The following DLGAP2 variants were observed in gnomAD, a reference collection of about 807,000 sequenced individuals.
The protein encoded by DLGAP2 is disks large-associated protein 2.
A neutral mutation model predicts 100.3 loss-of-function variants in DLGAP2; 26 were observed. The ratio of observed to expected loss-of-function variants is 0.26; its 90% CI spans 0.19 to 0.36. The LOEUF is 0.36. DLGAP2 is among the 10% of genes least tolerant of loss of function. The probability of loss-of-function intolerance (pLI) is 1.00; values close to 1 mark genes in which losing one functional copy is unlikely to be tolerated. For missense variants in DLGAP2, 1,858 were observed against 1,453.2 expected, an observed-to-expected ratio of 1.28 and a Z score of -4.53; for synonymous variants, 886 against 630.1, an observed-to-expected ratio of 1.41 and a Z score of -6.08.
intron 6 of DLGAP2, among the ~76,000 whole-genome samples, chr8:1,616,934 T>A (rs776350876): frequency 1.3e-5 from 2 of 152,206 alleles, no homozygotes; most frequent in African/African-American, 2.4e-5. Context: ...CCTCTCTGTG[T>A]CCATGTGTTC....
At chr8:1,562,590 T>TG (rs200857646) in intron 5 of DLGAP2, among the ~76,000 whole-genome samples, 4 of 42,316 alleles carry the variant, frequency 9.5e-5, no homozygotes, top group Non-Finnish European at 1.3e-4. Flanking sequence ...TGTGTGGTGT[T>TG]GGGTGTCCGC....
intron 3 of DLGAP2, among the ~76,000 whole-genome samples, chr8:1,326,670 G>T (rs976599287): frequency 6.6e-6 from 1 of 152,226 alleles, no homozygotes; most frequent in Non-Finnish European, 1.5e-5. Flanking sequence ...GTCTGGGCTT[G>T]TCAAGTGAAC....
At chr8:1,478,245 C>A (rs1798990072) in intron 3 of DLGAP2, among the ~76,000 whole-genome samples, 1 of 152,208 alleles carries the variant, frequency 6.6e-6, no homozygotes, top group South Asian at 2.1e-4. Flanking sequence ...GTGGCTTTCT[C>A]TGAACTGTCT....
chr8:1,214,315 C>T (rs1563258124), intron 2 of DLGAP2, among the ~76,000 whole-genome samples: 1 of 152,194 alleles, frequency 6.6e-6, no homozygotes, highest in African/African-American at 2.4e-5. Flanking sequence ...TACCTGCGGC[C>T]CCGCCACTCA....
intron 2 of DLGAP2, among the ~76,000 whole-genome samples, chr8:1,227,508 T>C (rs1245055843): frequency 1.3e-5 from 2 of 151,772 alleles, no homozygotes; most frequent in Non-Finnish European, 2.9e-5. Flanking sequence ...TTTCTTTTTT[T>C]TTTTTGATGG....
At chr8:1,645,909 C>T (rs772788825) in intron 8 of DLGAP2, among the ~76,000 whole-genome samples, 3 of 152,192 alleles carry the variant, frequency 2.0e-5, no homozygotes, top group African/African-American at 4.8e-5. Context: ...GCTCCCAACA[C>T]GTCATATTCC....
At chr8:978,892 T>C (rs1800247677) in intron 2 of DLGAP2, among the ~76,000 whole-genome samples, 1 of 152,186 alleles carries the variant, frequency 6.6e-6, no homozygotes, top group Non-Finnish European at 1.5e-5. Flanking sequence ...TAGCCAAAAA[T>C]GTATGACATA....
intron 3 of DLGAP2, among the ~76,000 whole-genome samples, chr8:1,333,727 T>A (rs555236358): frequency 6.6e-6 from 1 of 152,324 alleles, no homozygotes; most frequent in African/African-American, 2.4e-5. Flanking sequence ...AAATTCAGTT[T>A]CATATGGTTC....
chr8:926,065 C>T (rs568544603), intron 2 of DLGAP2, among the ~76,000 whole-genome samples: 70 of 152,248 alleles, frequency 4.6e-4, no homozygotes, highest in South Asian at 2.7e-3. Flanking sequence ...GTCAATTTTC[C>T]GTGTTCTGAC....
intron 3 of DLGAP2, among the ~76,000 whole-genome samples, chr8:1,350,257 A>ACTGT (rs1563099031): frequency 1.0e-5 from 1 of 98,372 alleles, no homozygotes. Context: ...GCGGGTCCTG[A>ACTGT]GCATGTGTGG....
At chr8:1,615,843 T>C (rs1797135269) in intron 6 of DLGAP2, among the ~76,000 whole-genome samples, 1 of 152,224 alleles carries the variant, frequency 6.6e-6, no homozygotes, top group Non-Finnish European at 1.5e-5. Context: ...TAAGGTCTTA[T>C]GAATGATATA....
rs555413029 is a variant in DLGAP2, at chr8:1,110,560, C to T, written c.74-148291C>T. Among the ~76,000 whole-genome samples, 3 of 151,432 alleles carry T rather than the reference C, an allele frequency of 2.0e-5. No individual in the cohort carries two copies. In the South Asian group the frequency reaches 6.3e-4, roughly 32 times the overall value. On this transcript the variant is annotated intron_variant, in intron 2 of 14. Coordinates refer to ENST00000637795, the MANE Select transcript of DLGAP2 (RefSeq NM_001346810.2). ...GTGCATAGGGTGGGTGAGGTGTGCACGTGCCTGTGAAGTGTGCATGGGTCT... is the reference window on the plus strand; with the variant it reads ...GTGCATAGGGTGGGTGAGGTGTGCATGTGCCTGTGAAGTGTGCATGGGTCT...
Position 1,660,506 on chromosome 8 carries a change from C to T in DLGAP2, c.1811-7823C>T, listed in dbSNP as rs192459715. Among the ~76,000 whole-genome samples the T allele has an allele frequency of 1.4e-3, 212 of 152,246 alleles. 2 individuals are homozygous for T. Among genetic ancestry groups the T allele is most frequent in the African/African-American group, 4.7e-3 (195 of 41,544 alleles). On this transcript the variant is annotated intron_variant, in intron 8 of 14. Coordinates refer to ENST00000637795, the MANE Select transcript of DLGAP2 (RefSeq NM_001346810.2). ...GTCCCTGGTCTTCACACACAGATCC[C>T]CCTTGACCTCTGTACTCACATGTAA... is the stretch of plus-strand genomic sequence containing the variant.
At chr8:1,663,792 C>T (rs1048175715) in intron 8 of DLGAP2, among the ~76,000 whole-genome samples, 10 of 152,138 alleles carry the variant, frequency 6.6e-5, no homozygotes, top group East Asian at 1.9e-4. Flanking sequence ...GCAAAACAAG[C>T]GTTCCAGCAT....
chr8:1,267,698 C>T (rs1799495551), intron 3 of DLGAP2, among the ~76,000 whole-genome samples: 1 of 152,066 alleles, frequency 6.6e-6, no homozygotes, highest in Admixed American at 6.6e-5. Context: ...CGCCCACGTC[C>T]TCCGTGTCGC....
chr8:1,623,681 C>A (rs997493138), intron 6 of DLGAP2, among the ~76,000 whole-genome samples: 16 of 152,144 alleles, frequency 1.1e-4, no homozygotes, highest in African/African-American at 3.6e-4. Context: ...GTGTGATGAC[C>A]TGGCACCAGT....
At chr8:884,259 A>G (rs777297618) in intron 1 of DLGAP2, among the ~76,000 whole-genome samples, 19 of 152,196 alleles carry the variant, frequency 1.2e-4, no homozygotes, top group Non-Finnish European at 2.5e-4. Flanking sequence ...TCCCACCAAC[A>G]GTGTAAAAGC....
intron 3 of DLGAP2, among the ~76,000 whole-genome samples, chr8:1,380,763 C>T (rs553413985): frequency 6.6e-5 from 10 of 152,030 alleles, no homozygotes; most frequent in East Asian, 1.9e-4. Flanking sequence ...AACTGGGACA[C>T]AGGGATAGCT....
intron 6 of DLGAP2, among the ~76,000 whole-genome samples, chr8:1,583,841 C>A (rs1015123980): frequency 5.3e-5 from 8 of 152,084 alleles, no homozygotes; most frequent in African/African-American, 1.9e-4. Flanking sequence ...CAGTGCAGAT[C>A]CTTCGTGATC....
Sources: gnomAD v4.1 joint callset for allele counts (sites outside exome capture counted in the v4.1 genomes callset) on GRCh38, gnomAD v4.1.1 for gene constraint, MANE v1.5 for transcripts, NCBI Gene and HGNC (gene_info 2026-07-23, HGNC 2026-07-21) for gene names.